The following ANK2 variants were observed in gnomAD, a reference collection of about 807,000 sequenced individuals.
The protein encoded by ANK2 is ankyrin-2.
A neutral mutation model predicts 360.5 loss-of-function variants in ANK2; 83 were observed. The ratio of observed to expected loss-of-function variants is 0.23; its 90% CI spans 0.19 to 0.28. The LOEUF is 0.28. Among genes scored for constraint, ANK2 ranks in the 10% least tolerant of loss-of-function variants. The probability of loss-of-function intolerance (pLI) is 1.00; values close to 1 mark genes in which losing one functional copy is unlikely to be tolerated. For missense variants in ANK2, 4,201 were observed against 4,795.7 expected (o/e 0.88, Z 3.66); for synonymous variants, 1,740 against 1,759.5 (o/e 0.99, Z 0.28).
intron 2 of ANK2, among the ~76,000 whole-genome samples, chr4:113,001,594 G>C (rs917158453): frequency 1.3e-5 from 2 of 152,050 alleles, no homozygotes; most frequent in Non-Finnish European, 2.9e-5. Flanking sequence ...TTTGGCCTTT[G>C]ATTCTAGTGA....
chr4:112,930,474 G>A (rs1480401780), intron 2 of ANK2, among the ~76,000 whole-genome samples: 1 of 149,838 alleles, frequency 6.7e-6, no homozygotes, highest in East Asian at 2.0e-4. Flanking sequence ...AAAAGAAAAT[G>A]TTCAAGTGTT....
At chr4:113,156,382 G>GTTTTTTTTTTTT (rs1172211775) in intron 1 of ANK2, among the ~76,000 whole-genome samples, 1 of 82,688 alleles carries the variant, frequency 1.2e-5, no homozygotes, top group Non-Finnish European at 2.5e-5. Context: ...TTTTTTTTTT[G>GTTTTTTTTTTTT]TTTTTGAGAC....
chr4:113,114,179 A>G (rs949218386), intron 1 of ANK2, among the ~76,000 whole-genome samples: 2 of 151,902 alleles, frequency 1.3e-5, no homozygotes, highest in African/African-American at 4.8e-5. Context: ...GGGCTTTTTG[A>G]GTGGGTTCCT....
chr4:113,090,230 A>C (rs2087137650), intron 1 of ANK2, among the ~76,000 whole-genome samples: 2 of 152,218 alleles, frequency 1.3e-5, no homozygotes, highest in Non-Finnish European at 2.9e-5. Flanking sequence ...ATTTCATAAA[A>C]ATCTCAAATC....
intron 14 of ANK2, among the ~76,000 whole-genome samples, chr4:113,267,795 C>T (rs369510022): frequency 1.8e-4 from 27 of 152,152 alleles, no homozygotes; most frequent in South Asian, 1.0e-3. Flanking sequence ...AGAAAATCAA[C>T]GGTAGCTTGA....
intron 30 of ANK2, 179 bp downstream of exon 30, chr4:113,336,236 C>T (rs1410445240): frequency 3.0e-6 from 2 of 675,308 alleles, no homozygotes; most frequent in Non-Finnish European, 4.7e-6. Flanking sequence ...AAAAATTCAA[C>T]TTATATTTGG....
chr4:112,814,783 A>G (rs2055522143), upstream of ANK2, among the ~76,000 whole-genome samples: 1 of 152,152 alleles, frequency 6.6e-6, no homozygotes, highest in African/African-American at 2.4e-5. Flanking sequence ...AGGAGTAGTG[A>G]CAATCTTTTG....
intron 1 of ANK2, among the ~76,000 whole-genome samples, chr4:112,829,786 T>C (rs2059300515): frequency 6.6e-6 from 1 of 151,908 alleles, no homozygotes; most frequent in Admixed American, 6.6e-5. Flanking sequence ...AAACCCCGTC[T>C]GTACTAACAA....
chr4:113,236,239 A>T (rs866716876), intron 5 of ANK2, among the ~76,000 whole-genome samples: 37 of 152,280 alleles, frequency 2.4e-4, no homozygotes, highest in African/African-American at 8.4e-4. Context: ...AGAAAGAAAA[A>T]GATAGCTTTC....
the ANK2 span, among the ~76,000 whole-genome samples, chr4:112,781,003 GTTA>G: frequency 6.6e-6 from 1 of 152,084 alleles, no homozygotes; most frequent in Non-Finnish European, 1.5e-5. Flanking sequence ...CTTAAAAAAA[GTTA>G]TTATTTTTTT....
chr4:112,875,366 T>A (rs2074720665), intron 1 of ANK2, among the ~76,000 whole-genome samples: 1 of 152,144 alleles, frequency 6.6e-6, no homozygotes, highest in African/African-American at 2.4e-5. Context: ...CAGGCTGGAG[T>A]GCAGTGGTGC....
the ANK2 span, among the ~76,000 whole-genome samples, chr4:112,730,152 G>C: frequency 2.7e-5 from 4 of 150,572 alleles, no homozygotes; most frequent in African/African-American, 7.4e-5. Flanking sequence ...TACTTGGGTG[G>C]CTGAAGCACG....
intron 2 of ANK2, among the ~76,000 whole-genome samples, chr4:113,034,184 C>T (rs914889472): frequency 2.0e-5 from 3 of 151,922 alleles, no homozygotes; most frequent in Admixed American, 1.3e-4. Flanking sequence ...TTAAGGATGA[C>T]GATTATATCA....
the ANK2 span, among the ~76,000 whole-genome samples, chr4:112,735,754 G>T: frequency 6.6e-6 from 1 of 152,162 alleles, no homozygotes; most frequent in South Asian, 2.1e-4. Flanking sequence ...GTAGTATTAG[G>T]TTTAATCACA....
the ANK2 span, among the ~76,000 whole-genome samples, chr4:112,714,819 A>T: frequency 6.6e-6 from 1 of 152,230 alleles, no homozygotes; most frequent in Non-Finnish European, 1.5e-5. Flanking sequence ...TTATATGGGT[A>T]GATTATGGTA....
chr4:113,146,690 C>A (rs1381486258), intron 1 of ANK2, among the ~76,000 whole-genome samples: 2 of 147,350 alleles, frequency 1.4e-5, no homozygotes, highest in East Asian at 3.9e-4. Context: ...TTTTTTTTGG[C>A]CAGGAATCTC....
At chr4:112,999,926 A>G (rs929058964) in intron 2 of ANK2, among the ~76,000 whole-genome samples, 1 of 150,578 alleles carries the variant, frequency 6.6e-6, no homozygotes, top group Non-Finnish European at 1.5e-5. Context: ...GACAGAGAGG[A>G]AAAAAACTTT....
chr4:112,794,361 A>C, the ANK2 span, among the ~76,000 whole-genome samples: 1 of 152,188 alleles, frequency 6.6e-6, no homozygotes, highest in Admixed American at 6.5e-5. Context: ...AAGAAGAATC[A>C]GATCATTTGT....
intron 2 of ANK2, among the ~76,000 whole-genome samples, chr4:112,910,770 T>C (rs1429431130): frequency 6.6e-6 from 1 of 152,184 alleles, no homozygotes; most frequent in Non-Finnish European, 1.5e-5. Context: ...AAGAGGATAA[T>C]ATTTGGAAGA....
Sources: gnomAD v4.1 joint callset for allele counts (sites outside exome capture counted in the v4.1 genomes callset) on GRCh38, gnomAD v4.1.1 for gene constraint, MANE v1.5 for transcripts, NCBI Gene and HGNC (gene_info 2026-07-23, HGNC 2026-07-21) for gene names.